DDX42: variants seen among roughly 807,000 people sequenced by gnomAD.
The protein encoded by DDX42 is DEAD-box helicase 42, also known as ATP-dependent RNA helicase DDX42.
In DDX42, 22 loss-of-function variants were observed where a neutral mutation model predicts 101.5. The observed-to-expected ratio is 0.22, with a 90% confidence interval of 0.15 to 0.31. The LOEUF (loss-of-function observed/expected upper bound fraction) is 0.31, where lower values mean the gene tolerates loss of function less well. Ranked by LOEUF, DDX42 falls within the 10% of genes least tolerant of loss-of-function variation. DDX42 has a pLI of 1.00. For synonymous variants in DDX42, 402 were observed against 401.2 expected (o/e 1.00, Z -0.02); for missense variants, 849 against 1,199.9 (o/e 0.71, Z 4.32).
At chr17:63,777,082 A>AT (rs917699439) in intron 1 of DDX42, among the ~76,000 whole-genome samples, 8 of 149,924 alleles carry the variant, frequency 5.3e-5, no homozygotes, top group African/African-American at 1.5e-4. Context: ...AATTTTTTAA[A>AT]TTTTTTTGTA....
intron 6 of DDX42, among the ~76,000 whole-genome samples, chr17:63,802,486 G>A (rs977055364): frequency 5.3e-5 from 8 of 152,164 alleles, no homozygotes; most frequent in Non-Finnish European, 8.8e-5. Flanking sequence ...TCAAGCTTTC[G>A]GCCAGACGCA....
chr17:63,786,898 G>A (rs1048170030), intron 1 of DDX42, 136 bp from the exon 2 acceptor site: 40 of 794,484 alleles, frequency 5.0e-5, no homozygotes, highest in Non-Finnish European at 6.0e-5. Context: ...GGCTGGTCTT[G>A]AACTCCTGAC....
rs752475839 is a variant in DDX42, at chr17:63,805,112, T to C, written c.663T>C (p.His221=). 3 of 1,613,116 alleles carry C rather than the reference T, an allele frequency of 1.9e-6. No individual in the cohort carries two copies. Among genetic ancestry groups the C allele is most frequent in the Admixed American group, 1.7e-5 (1 of 59,746 alleles). The change falls in exon 7 of 18, where the codon CAT becomes CAC. Residue 221 remains histidine (H), a synonymous_variant. Transcript: ENST00000389924. ...TTGAAAAAAACTTTTACAATGAGCATGAAGAGATAACCAACCTCACTCCAC... is the reference window on the plus strand; with the variant it reads ...TTGAAAAAAACTTTTACAATGAGCACGAAGAGATAACCAACCTCACTCCAC... ...PPFEKNFYNE[H]EEITNLTPQQ... is the part of the protein sequence containing the mutation.
chr17:63,812,853 C>T (rs1398888803), intron 14 of DDX42, among the ~76,000 whole-genome samples: 2 of 151,994 alleles, frequency 1.3e-5, no homozygotes, highest in Admixed American at 6.6e-5. Flanking sequence ...AGTGAAACCC[C>T]GTCTCTACTA....
At chr17:63,790,576 C>T (rs7207768) in intron 2 of DDX42, among the ~76,000 whole-genome samples, 42,480 of 152,070 alleles carry the variant, frequency 0.28, 6,320 homozygotes, top group Middle Eastern at 0.37. Flanking sequence ...GCCTGGACAA[C>T]GTGGCAAAAC....
intron 3 of DDX42, among the ~76,000 whole-genome samples, chr17:63,796,101 ATCT>A (rs2039689572): frequency 1.3e-5 from 2 of 152,176 alleles, no homozygotes; most frequent in South Asian, 4.1e-4. Context: ...TGTTTTCTTC[ATCT>A]TCTTGAGATA....
At chr17:63,816,320 G>A (rs2039976665) in intron 16 of DDX42, among the ~76,000 whole-genome samples, 1 of 152,134 alleles carries the variant, frequency 6.6e-6, no homozygotes, top group Non-Finnish European at 1.5e-5. Flanking sequence ...TAATAATAAT[G>A]ATGATGATGC....
At chr17:63,792,077 A>G (rs1396558265) in intron 2 of DDX42, among the ~76,000 whole-genome samples, 1 of 151,574 alleles carries the variant, frequency 6.6e-6, no homozygotes, top group East Asian at 1.9e-4. Context: ...TTTTTCCCAT[A>G]GCACAGCTCT....
chr17:63,815,387 A>T (rs1186195560), intron 15 of DDX42, among the ~76,000 whole-genome samples, 176 bp from the exon 16 acceptor site: 1 of 152,214 alleles, frequency 6.6e-6, no homozygotes, highest in Admixed American at 6.5e-5. Context: ...TTGGTGGATT[A>T]TGCTACCAAA....
chr17:63,797,521 AT>A (rs56966266), intron 3 of DDX42, among the ~76,000 whole-genome samples: 51,275 of 151,846 alleles, frequency 0.34, 9,166 homozygotes, highest in South Asian at 0.58. Flanking sequence ...TTTCCTGTGT[AT>A]TGTAGAATGT....
At chr17:63,811,732 A>C in intron 13 of DDX42, 200 bp from the exon 14 acceptor site, 1 of 670,820 alleles carries the variant, frequency 1.5e-6, no homozygotes, top group South Asian at 1.8e-5. Flanking sequence ...CATACAAATT[A>C]GGTATGTACA....
At chr17:63,811,654 G>T in intron 13 of DDX42, 1 of 536,770 alleles carries the variant, frequency 1.9e-6, no homozygotes, top group Non-Finnish European at 3.3e-6. Context: ...TTCAGTTATG[G>T]CTGCTTAGAG....
intron 2 of DDX42, among the ~76,000 whole-genome samples, chr17:63,788,789 A>G (rs941919006): frequency 8.5e-5 from 13 of 152,184 alleles, no homozygotes; most frequent in Non-Finnish European, 1.9e-4. Context: ...TCTAATTTCT[A>G]TACAAAATAT....
At chr17:63,814,311 A>T (rs866904301) in intron 15 of DDX42, among the ~76,000 whole-genome samples, 7 of 152,190 alleles carry the variant, frequency 4.6e-5, no homozygotes, top group Admixed American at 2.0e-4. Context: ...TGGGTTCGGA[A>T]CACTTTCTGA....
intron 1 of DDX42, among the ~76,000 whole-genome samples, chr17:63,780,334 C>G (rs1040852445): frequency 6.6e-6 from 1 of 151,562 alleles, no homozygotes; most frequent in African/African-American, 2.4e-5. Context: ...AAACTGTTGT[C>G]AAGAGACTTA....
intron 1 of DDX42, 66 bp from the exon 2 acceptor site, chr17:63,786,968 G>A (rs201400606): frequency 1.0e-5 from 16 of 1,545,884 alleles, no homozygotes; most frequent in African/African-American, 5.5e-5. Flanking sequence ...GACCCACCGC[G>A]CCCGGCCCTT....
Position 63,813,444 on chromosome 17 carries a change from T to C in DDX42, c.1892T>C (p.Leu631Pro). The C allele has an allele frequency of 6.2e-7, 1 of 1,613,876 alleles. No homozygotes were observed. The change falls in exon 15 of 18, where the codon CTG becomes CCG. Residue 631 changes from leucine (L) to proline (P), a missense_variant. Around this residue, in one of 5 missense-constraint regions of DDX42, gnomAD observed 86 missense variants for 160.8 expected, o/e 0.53. Transcript: ENST00000389924. ...NQHVSKELLDLAMQNAWFRKS... is the reference protein window; with the variant it reads ...NQHVSKELLDPAMQNAWFRKS... ...CACGTTTCTAAGGAACTCCTAGATC[T>C]GGCAATGCAGGTGAGGGGCTGGGCA...
chr17:63,810,295 G>C (rs1348200007), intron 11 of DDX42: 1 of 260,608 alleles, frequency 3.8e-6, no homozygotes, highest in Admixed American at 6.0e-5. Flanking sequence ...AGAGATAGCT[G>C]TGTTGACCAG....
At chr17:63,809,787 A>G (rs2039887186) in intron 11 of DDX42, 128 bp downstream of exon 11, 1 of 655,502 alleles carries the variant, frequency 1.5e-6, no homozygotes, top group East Asian at 2.7e-5. Flanking sequence ...TAGACTATAG[A>G]AATATAGCTA....
Sources: gnomAD v4.1 joint callset for allele counts (sites outside exome capture counted in the v4.1 genomes callset) on GRCh38, gnomAD v4.1.1 for gene constraint, gnomAD v4.1.1 regional missense constraint, MANE v1.5 for transcripts, NCBI Gene and HGNC (gene_info 2026-07-23, HGNC 2026-07-21) for gene names.